Variants in PLIN3 observed in about 807,000 individuals in gnomAD.
PLIN3 encodes the protein perilipin 3, also known as perilipin-3.
PLIN3 carries 30 observed loss-of-function variants against 35.9 expected under a neutral mutation model. The observed-to-expected ratio is 0.84, with a 90% CI of 0.62 to 1.13. The LOEUF (loss-of-function observed/expected upper bound fraction) is 1.13. Ranked by LOEUF, PLIN3 falls within the 50% of genes most tolerant of loss-of-function variation. The probability of loss-of-function intolerance (pLI) is 0.00; values close to 1 mark genes in which losing one functional copy is unlikely to be tolerated. For missense variants in PLIN3, 603 were observed against 596.9 expected (o/e 1.01, Z -0.11); for synonymous variants, 261 against 262.5 (o/e 0.99, Z 0.06).
At chr19:4,865,668 A>T (rs939145041) in intron 1 of PLIN3, among the ~76,000 whole-genome samples, 2 of 150,824 alleles carry the variant, frequency 1.3e-5, no homozygotes, top group Non-Finnish European at 3.0e-5. Context: ...CAGCAAAATG[A>T]TGATGTTTTG....
chr19:4,847,940 G>A (rs1279240655), intron 5 of PLIN3, 50 bp from the exon 6 acceptor site: 3 of 1,359,524 alleles, frequency 2.2e-6, no homozygotes, highest in Non-Finnish European at 3.1e-6. Flanking sequence ...CACACAGCTG[G>A]GCTCGTCCCA....
chr19:4,862,288 A>C (rs901184252), intron 1 of PLIN3, among the ~76,000 whole-genome samples: 13 of 151,374 alleles, frequency 8.6e-5, no homozygotes, highest in Admixed American at 1.3e-4. Context: ...GTGCCACTAC[A>C]CCTGGCCAAT....
intron 2 of PLIN3, among the ~76,000 whole-genome samples, chr19:4,860,534 T>A (rs2030641007): frequency 1.3e-5 from 2 of 152,098 alleles, no homozygotes; most frequent in African/African-American, 2.4e-5. Flanking sequence ...GCTATTTACA[T>A]GAGCCTGCAC....
At chr19:4,844,181 G>A (rs1050562588) in intron 7 of PLIN3, among the ~76,000 whole-genome samples, 3 of 151,918 alleles carry the variant, frequency 2.0e-5, no homozygotes, top group African/African-American at 7.2e-5. Flanking sequence ...TTGCTGCTAG[G>A]GGCCGGGCTC....
chr19:4,859,893 T>C lies in PLIN3; in HGVS notation c.198A>G (p.Gly66=). The change falls in exon 3 of 8, where the codon GGA becomes GGG. Residue 66 remains glycine, a synonymous_variant. Coordinates refer to ENST00000221957, the MANE Select transcript of PLIN3 (RefSeq NM_005817.5). ...CAGCAGCCGCCGTGAGGGTCCTCAC[T>C]CCCTTCTCTGCTGCGTCGCAGACAG... is the stretch of plus-strand genomic sequence containing the variant. ...IKTVCDAAEK[G]VRTLTAAAVS... 1 of 1,613,854 alleles carries C rather than the reference T, an allele frequency of 6.2e-7. No individual in the cohort carries two copies. Among genetic ancestry groups the C allele is most frequent in the Non-Finnish European group, 8.5e-7 (1 of 1,180,028 alleles).
intron 7 of PLIN3, among the ~76,000 whole-genome samples, chr19:4,842,525 G>C (rs1042736066): frequency 1.3e-5 from 2 of 150,230 alleles, no homozygotes; most frequent in South Asian, 2.1e-4. Context: ...GCTTGAACCC[G>C]GGAGGCAGAG....
chr19:4,849,887 G>A (rs1270929610), intron 5 of PLIN3, among the ~76,000 whole-genome samples: 4 of 151,684 alleles, frequency 2.6e-5, no homozygotes, highest in Non-Finnish European at 5.9e-5. Flanking sequence ...TCCTGACCAT[G>A]TGATCCAGCT....
intron 5 of PLIN3, among the ~76,000 whole-genome samples, chr19:4,848,919 GT>G (rs2075139808): frequency 6.6e-6 from 1 of 152,134 alleles, no homozygotes; most frequent in South Asian, 2.1e-4. Context: ...ATATACTACA[GT>G]GGTCCCATAA....
chr19:4,861,553 G>C, intron 1 of PLIN3, 142 bp from the exon 2 acceptor site: 1 of 615,724 alleles, frequency 1.6e-6, no homozygotes, highest in Non-Finnish European at 2.9e-6. Context: ...GCAGGCACAA[G>C]AGTGACCTCT....
chr19:4,854,987 C>T (rs1415788469), intron 4 of PLIN3, among the ~76,000 whole-genome samples: 1 of 151,978 alleles, frequency 6.6e-6, no homozygotes, highest in African/African-American at 2.4e-5. Flanking sequence ...CGGTGACTCA[C>T]GCCTATAATC....
Position 4,859,614 on chromosome 19 carries a change from G to A in PLIN3, c.324C>T (p.Pro108=). The A allele has an allele frequency of 6.2e-7, 1 of 1,614,088 alleles. No homozygotes were observed. Among genetic ancestry groups the A allele is most frequent in the Non-Finnish European group, 8.5e-7 (1 of 1,179,932 alleles). ...RGLDKLEENL[P]ILQQPTEKVL... ...CCTTCTCCGTGGGCTGCTGCAGGAT[G>A]GGGAGGTTCTCCTCCAACTTGTCCA... Residue 108 remains proline (P), a synonymous_variant, in exon 4 of 8, where the codon CCC becomes CCT. Coordinates refer to ENST00000221957, the MANE Select transcript of PLIN3 (RefSeq NM_005817.5).
intron 7 of PLIN3, 112 bp from the exon 8 acceptor site, chr19:4,839,648 A>C: frequency 5.3e-6 from 4 of 759,530 alleles, no homozygotes; most frequent in Non-Finnish European, 7.6e-6. Flanking sequence ...CTTGGGGCAA[A>C]CGCTTTCCAT....
intron 4 of PLIN3, among the ~76,000 whole-genome samples, chr19:4,852,561 T>A (rs573220595): frequency 1.3e-5 from 2 of 152,272 alleles, no homozygotes; most frequent in Non-Finnish European, 2.9e-5. Flanking sequence ...CCAGACTACC[T>A]AGGCTCCGTT....
chr19:4,841,909 AAAAAAAAAAAAAAAAAAG>A (rs1347523826), intron 7 of PLIN3, among the ~76,000 whole-genome samples: 2 of 75,096 alleles, frequency 2.7e-5, no homozygotes, highest in Non-Finnish European at 5.1e-5. Flanking sequence ...CATCTCAAAA[AAAAAAAAAAAAAAAAAAG>A]AAAAAAAAAA....
chr19:4,859,530 G>A lies in PLIN3; in HGVS notation c.348+60C>T, dbSNP rs372059529. The A allele has an allele frequency of 8.6e-5, 121 of 1,400,458 alleles. No homozygotes were observed. In the African/African-American group the frequency reaches 9.5e-4, roughly 11 times the overall value. 86.8% of individuals were successfully genotyped at this position (1,400,458 alleles called of 1,614,324 possible). ...CTTGTCTAGTTAAGCTGGGACCAGC[G>A]CACTCCACACCCAGGTAGGTCCCTG... On this transcript the variant is annotated intron_variant, in intron 4 of 7. Transcript: ENST00000221957.
chr19:4,855,838 T>C (rs2030455942), intron 4 of PLIN3, among the ~76,000 whole-genome samples: 1 of 151,676 alleles, frequency 6.6e-6, no homozygotes, highest in African/African-American at 2.4e-5. Flanking sequence ...GCTGGGAGGA[T>C]TGCCTAAGTC....
At position 4,861,409 on chromosome 19, in the gene PLIN3, A is replaced by C; in HGVS notation, c.-15T>G. 1 of 1,608,978 alleles carries C rather than the reference A, an allele frequency of 6.2e-7. No individual in the cohort carries two copies. Among genetic ancestry groups the C allele is most frequent in the Non-Finnish European group, 8.5e-7 (1 of 1,178,012 alleles). ...TCGGCAGACATGGTCTCTGCAGCAGACGCTGAGGAGAGAGGAACAGTCAGG... is the reference window on the plus strand; with the variant it reads ...TCGGCAGACATGGTCTCTGCAGCAGCCGCTGAGGAGAGAGGAACAGTCAGG... On this transcript the variant is annotated splice_region_variant and 5_prime_UTR_variant, in exon 2 of 8. Transcript: ENST00000221957.
chr19:4,864,448 G>A (rs963172814), intron 1 of PLIN3, among the ~76,000 whole-genome samples: 3 of 129,428 alleles, frequency 2.3e-5, no homozygotes, highest in African/African-American at 5.2e-5. Flanking sequence ...GCACTCAGCC[G>A]TGGTTTGTTT....
chr19:4,861,416 GGA>G lies in PLIN3; in HGVS notation c.-17-7_-17-6del, dbSNP rs754878847. Reference sequence around the variant, plus strand: ...ACATGGTCTCTGCAGCAGACGCTGAGGAGAGAGGAACAGTCAGGTACAGCCTG... The same window carrying G: ...ACATGGTCTCTGCAGCAGACGCTGAGGAGAGGAACAGTCAGGTACAGCCTG... On this transcript the variant is annotated splice_region_variant and splice_polypyrimidine_tract_variant and intron_variant, in intron 1 of 7. Coordinates refer to ENST00000221957, the MANE Select transcript of PLIN3 (RefSeq NM_005817.5). 3.7e-6 allele frequency: 6 copies of G among 1,604,754 alleles called. No individual in the cohort carries two copies. In the East Asian group the frequency reaches 6.7e-5, roughly 18 times the overall value.
Sources: allele counts gnomAD v4.1 joint callset (sites outside exome capture counted in the v4.1 genomes callset), GRCh38; gene constraint gnomAD v4.1.1; transcripts MANE v1.5; gene names NCBI Gene and HGNC (gene_info 2026-07-23, HGNC 2026-07-21).